The following XIRP2 variants were observed in gnomAD, a reference collection of about 807,000 sequenced individuals.
The protein encoded by XIRP2 is xin actin-binding repeat-containing protein 2.
In XIRP2, 236 loss-of-function variants were observed where a neutral mutation model predicts 277.0. That is an observed-to-expected ratio of 0.85 (90% CI 0.77 to 0.95). The LOEUF (loss-of-function observed/expected upper bound fraction) is 0.95. Among genes scored for constraint, XIRP2 ranks in the 40% least tolerant of loss-of-function variants. The probability of loss-of-function intolerance (pLI) is 0.00; values close to 1 mark genes in which losing one functional copy is unlikely to be tolerated. For synonymous variants in XIRP2, 1,490 were observed against 1,416.5 expected (o/e 1.05, Z -1.17); for missense variants, 4,640 against 4,157.5 (o/e 1.12, Z -3.19).
intron 8 of XIRP2, among the ~76,000 whole-genome samples, 166 bp from the exon 9 acceptor site, chr2:167,242,403 A>G (rs1435724340): frequency 3.3e-5 from 5 of 152,192 alleles, no homozygotes; most frequent in African/African-American, 1.2e-4. Context: ...ATAGTGACAA[A>G]TATTGACTAT....
At chr2:166,912,544 T>C (rs1184548067) in intron 2 of XIRP2, among the ~76,000 whole-genome samples, 1 of 152,196 alleles carries the variant, frequency 6.6e-6, no homozygotes, top group Non-Finnish European at 1.5e-5. Flanking sequence ...TTCTTTGCAA[T>C]GGGTTTGAAC....
At chr2:166,982,326 T>TAA (rs1302808425) in intron 2 of XIRP2, among the ~76,000 whole-genome samples, 1,472 of 136,156 alleles carry the variant, frequency 0.011, 28 homozygotes, top group African/African-American at 0.04. Context: ...GTTTTTTTTT[T>TAA]TAAAAAAAAA....
rs772461489 is a variant in XIRP2 at position 167,244,162 on chromosome 2, A to T, written c.2770A>T (p.Ile924Phe). ...TTTTGAAACCCAACCTCTGGAAGAC[A>T]TTAGAAAAGATAAAAAGGAGTACAC... ...WIFETQPLED[I>F]RKDKKEYTRT... Residue 924 changes from isoleucine to phenylalanine, a missense_variant, in exon 9 of 11, where the codon ATT (isoleucine) becomes TTT (phenylalanine). Ile to Phe is a conservative substitution (Grantham distance 21). Transcript: ENST00000409195. 1 of 1,613,940 alleles carries T rather than the reference A, an allele frequency of 6.2e-7. No individual in the cohort carries two copies. Among genetic ancestry groups the T allele is most frequent in the South Asian group, 1.1e-5 (1 of 91,072 alleles).
intron 1 of XIRP2, among the ~76,000 whole-genome samples, chr2:166,889,306 C>T (rs2105322613): frequency 6.6e-6 from 1 of 152,288 alleles, no homozygotes; most frequent in South Asian, 2.1e-4. Context: ...ACAGCTGTCC[C>T]TCCTCCACTC....
At chr2:167,102,396 C>T (rs1231138471) in intron 2 of XIRP2, among the ~76,000 whole-genome samples, 2 of 152,308 alleles carry the variant, frequency 1.3e-5, no homozygotes, top group East Asian at 3.9e-4. Context: ...CAGCCACTTT[C>T]TGTCAAAAAT....
chr2:167,189,297 T>C (rs1447621005), intron 3 of XIRP2, among the ~76,000 whole-genome samples: 1 of 152,100 alleles, frequency 6.6e-6, no homozygotes, highest in Non-Finnish European at 1.5e-5. Flanking sequence ...CAACTCTGGG[T>C]ATTAAAAGAG....
intron 2 of XIRP2, among the ~76,000 whole-genome samples, chr2:166,909,214 G>A (rs544553038): frequency 2.0e-5 from 3 of 152,066 alleles, no homozygotes; most frequent in African/African-American, 7.2e-5. Context: ...GGGCAGTATG[G>A]GATTTTCATG....
At chr2:167,193,037 C>T (rs1693393821) in intron 3 of XIRP2, among the ~76,000 whole-genome samples, 1 of 152,110 alleles carries the variant, frequency 6.6e-6, no homozygotes. Flanking sequence ...GGAAATAATT[C>T]CAAGATTCAT....
At chr2:167,022,721 T>G (rs1433388918) in intron 2 of XIRP2, among the ~76,000 whole-genome samples, 1 of 152,002 alleles carries the variant, frequency 6.6e-6, no homozygotes, top group East Asian at 1.9e-4. Context: ...GTCCTTGCGG[T>G]AGTTTACTGA....
chr2:166,954,621 A>G (rs1233968427), intron 2 of XIRP2, among the ~76,000 whole-genome samples: 1 of 151,968 alleles, frequency 6.6e-6, no homozygotes, highest in Admixed American at 6.6e-5. Flanking sequence ...GTGCATGCAT[A>G]TGTTCACTGC....
intron 2 of XIRP2, among the ~76,000 whole-genome samples, chr2:167,090,319 T>C (rs534719393): frequency 4.0e-4 from 61 of 152,266 alleles, no homozygotes; most frequent in African/African-American, 1.4e-3. Context: ...TAATGTAGTT[T>C]ATATTGATGT....
At chr2:167,071,351 C>CA (rs34155279) in intron 2 of XIRP2, among the ~76,000 whole-genome samples, 1 of 151,736 alleles carries the variant, frequency 6.6e-6, no homozygotes, top group Non-Finnish European at 1.5e-5. Flanking sequence ...ACATCTACAC[C>CA]AAAAAAATGC....
chr2:167,079,062 T>C (rs1228645869), intron 2 of XIRP2, among the ~76,000 whole-genome samples: 1 of 152,198 alleles, frequency 6.6e-6, no homozygotes, highest in Non-Finnish European at 1.5e-5. Flanking sequence ...AGGGTTTTTA[T>C]CATGAAAGGA....
chr2:166,961,405 A>C (rs1326516796), intron 2 of XIRP2, among the ~76,000 whole-genome samples: 2 of 151,740 alleles, frequency 1.3e-5, no homozygotes, highest in Non-Finnish European at 2.9e-5. Context: ...ATTGTTCTTA[A>C]TGCTGAATTT....
intron 4 of XIRP2, among the ~76,000 whole-genome samples, chr2:167,212,169 A>C (rs1694065132): frequency 6.6e-6 from 1 of 152,236 alleles, no homozygotes; most frequent in South Asian, 2.1e-4. Context: ...AAATGTGCAG[A>C]AGTGACATAA....
chr2:167,001,669 C>T (rs1050990905), intron 2 of XIRP2, among the ~76,000 whole-genome samples: 3 of 152,042 alleles, frequency 2.0e-5, no homozygotes, highest in Admixed American at 6.6e-5. Context: ...TGAAATACAT[C>T]CTGTAAAACT....
rs377764480 is a variant in XIRP2, at chr2:167,244,112, G to A, written c.2720G>A (p.Gly907Glu). ...QKITASEEEK[G>E]DVRHQKWIFE... ...ATCACTGCCTCTGAAGAAGAAAAAG[G>A]GGATGTTAGGCATCAAAAATGGATT... The change falls in exon 9 of 11, where the codon GGG becomes GAG. Residue 907 changes from glycine (G) to glutamate (E), a missense_variant. By Grantham distance (98) the Gly-to-Glu change is moderately conservative. Coordinates refer to ENST00000409195, the MANE Select transcript of XIRP2 (RefSeq NM_152381.6). 4 of 1,613,782 alleles carry A rather than the reference G, an allele frequency of 2.5e-6. No individual in the cohort carries two copies. In the African/African-American group the frequency reaches 4.0e-5, roughly 16 times the overall value.
intron 2 of XIRP2, among the ~76,000 whole-genome samples, chr2:166,952,815 G>A (rs954829915): frequency 2.6e-5 from 4 of 151,758 alleles, no homozygotes; most frequent in African/African-American, 9.7e-5. Context: ...ATGAAATAAA[G>A]AAGGACTGTA....
At chr2:167,143,340 A>G (rs1418915176) in intron 3 of XIRP2, among the ~76,000 whole-genome samples, 1 of 152,132 alleles carries the variant, frequency 6.6e-6, no homozygotes. Flanking sequence ...GGGCCCACAG[A>G]TGCTTCATAG....
Sources: allele counts gnomAD v4.1 joint callset (sites outside exome capture counted in the v4.1 genomes callset), GRCh38; gene constraint gnomAD v4.1.1; transcripts MANE v1.5; gene names NCBI Gene and HGNC (gene_info 2026-07-23, HGNC 2026-07-21).